PHTF2: variants seen among roughly 807,000 people sequenced by gnomAD.
PHTF2 encodes putative homeodomain transcription factor 2.
A neutral mutation model predicts 101.2 loss-of-function variants in PHTF2; 60 were observed. That is an observed-to-expected ratio of 0.59 (90% CI 0.48 to 0.73). PHTF2 has a LOEUF of 0.73. PHTF2 is among the 30% of genes least tolerant of loss of function. The pLI, the probability that PHTF2 is intolerant of heterozygous loss-of-function variation, is 0.00. For synonymous variants in PHTF2, 311 were observed against 307.3 expected (o/e 1.01, Z -0.13); for missense variants, 747 against 908.7 (o/e 0.82, Z 2.29).
chr7:77,871,368 C>A (rs1221905877), intron 3 of PHTF2, among the ~76,000 whole-genome samples: 2 of 152,150 alleles, frequency 1.3e-5, no homozygotes, highest in African/African-American at 4.8e-5. Context: ...CCCTTCTTAG[C>A]CTGTTGACTT....
chr7:77,853,836 C>T (rs1418137983), intron 2 of PHTF2, among the ~76,000 whole-genome samples: 1 of 151,758 alleles, frequency 6.6e-6, no homozygotes, highest in African/African-American at 2.4e-5. Flanking sequence ...TTCCAAATTC[C>T]TTCTCTCTTT....
chr7:77,856,765 ATAATC>A (rs1294694874), intron 3 of PHTF2, among the ~76,000 whole-genome samples: 5 of 152,110 alleles, frequency 3.3e-5, no homozygotes. Context: ...GGTATTATAA[ATAATC>A]TAGAGATTAT....
Position 77,940,665 on chromosome 7 carries a change from A to C in PHTF2, c.1872+6A>C. ...CTCTCCGTTCCTATCTTAAGGTAGA[A>C]TGGGAGTGATAAAAGTAGCTTTAAC... On this transcript the variant is annotated splice_donor_region_variant and intron_variant, in intron 15 of 19. Coordinates refer to ENST00000416283, the Ensembl canonical transcript of PHTF2. The C allele has an allele frequency of 6.3e-7, 1 of 1,583,368 alleles. No individual in the cohort carries two copies. The highest frequency in any genetic ancestry group is 8.6e-7 in the Non-Finnish European group (1 of 1,161,690).
At chr7:77,887,508 A>G (rs1053466327) in intron 3 of PHTF2, among the ~76,000 whole-genome samples, 8 of 152,158 alleles carry the variant, frequency 5.3e-5, no homozygotes, top group Admixed American at 3.9e-4. Flanking sequence ...ATGACAGAAA[A>G]TGATGTTTGT....
intron 3 of PHTF2, among the ~76,000 whole-genome samples, chr7:77,868,322 ATTTTTTTTT>A (rs761861776): frequency 3.3e-4 from 26 of 78,528 alleles, no homozygotes; most frequent in African/African-American, 1.2e-3. Flanking sequence ...TTAAAAAAAA[ATTTTTTTTT>A]TTTTTTTTTT....
intron 5 of PHTF2, among the ~76,000 whole-genome samples, chr7:77,899,377 G>A (rs758692348): frequency 6.6e-6 from 1 of 151,588 alleles, no homozygotes; most frequent in Non-Finnish European, 1.5e-5. Flanking sequence ...CACTCCATGC[G>A]TGTCTGCAAA....
intron 9 of PHTF2, among the ~76,000 whole-genome samples, chr7:77,917,471 A>T (rs1262211468): frequency 6.6e-6 from 1 of 152,226 alleles, no homozygotes; most frequent in Non-Finnish European, 1.5e-5. Context: ...TTCTATAGCT[A>T]TCCAGGTATA....
chr7:77,805,671 G>C (rs1175164503), intron 1 of PHTF2, among the ~76,000 whole-genome samples: 1 of 152,152 alleles, frequency 6.6e-6, no homozygotes, highest in African/African-American at 2.4e-5. Context: ...TGGTTATTTA[G>C]AAGTATGTAG....
At chr7:77,817,066 C>T (rs1793908870) in intron 1 of PHTF2, among the ~76,000 whole-genome samples, 1 of 152,100 alleles carries the variant, frequency 6.6e-6, no homozygotes, top group South Asian at 2.1e-4. Flanking sequence ...GATTTTCTTT[C>T]CTTTGGATAA....
intron 3 of PHTF2, among the ~76,000 whole-genome samples, chr7:77,890,599 CTTT>C (rs747882978): frequency 3.6e-5 from 3 of 84,228 alleles, no homozygotes; most frequent in Non-Finnish European, 6.6e-5. Context: ...AATAGTTACA[CTTT>C]TTTTTTTTTT....
At chr7:77,948,157 T>G (rs1806243686) in intron 16 of PHTF2, among the ~76,000 whole-genome samples, 1 of 152,162 alleles carries the variant, frequency 6.6e-6, no homozygotes, top group African/African-American at 2.4e-5. Flanking sequence ...TCTTTTTGTT[T>G]TTCTTTTTTA....
chr7:77,841,819 G>A (rs1443451491), intron 2 of PHTF2, among the ~76,000 whole-genome samples: 1 of 152,150 alleles, frequency 6.6e-6, no homozygotes, highest in Admixed American at 6.5e-5. Context: ...AAAGAAAATT[G>A]TAAGTTAAGG....
In PHTF2 at chr7:77,826,397, A is replaced by T. The variant is rs1488663143; in HGVS notation, c.-35-13824A>T. On this transcript the variant is annotated intron_variant, in intron 1 of 19. Coordinates refer to ENST00000416283, the Ensembl canonical transcript of PHTF2. ...ACAGTGGCTTAAACTATAAGGATTT[A>T]TAACCTTGGGTACAAAAAGTATGGA... Among the ~76,000 whole-genome samples, 6 of 152,332 alleles carry T rather than the reference A, an allele frequency of 3.9e-5. No individual in the cohort carries two copies. The East Asian group carries it at 1.2e-3, about 29-fold the overall frequency.
intron 2 of PHTF2, among the ~76,000 whole-genome samples, chr7:77,852,311 G>A: frequency 6.6e-6 from 1 of 152,204 alleles, no homozygotes; most frequent in East Asian, 1.9e-4. Flanking sequence ...GGCCAACATG[G>A]TGAAACCCCA....
rs151127537 is a variant in PHTF2, at chr7:77,848,711, G to A, written c.46-6022G>A. ...CTCTGCAGAAGCTTTTTAACTTGGT[G>A]TAATTGCATTTGTCCATTTTTACTT... On this transcript the variant is annotated intron_variant, in intron 2 of 19. Coordinates refer to ENST00000416283, the Ensembl canonical transcript of PHTF2. 5.6e-3 allele frequency among the ~76,000 whole-genome samples: 847 copies of A among 152,208 alleles called. 36 individuals are homozygous for A. Among genetic ancestry groups the A allele is most frequent in the Admixed American group, 0.05 (767 of 15,278 alleles).
chr7:77,934,606 T>C (rs1349360901), intron 12 of PHTF2, among the ~76,000 whole-genome samples: 2 of 152,242 alleles, frequency 1.3e-5, no homozygotes, highest in Non-Finnish European at 2.9e-5. Context: ...GGATCTGTGA[T>C]GCTGTCTTCA....
intron 3 of PHTF2, among the ~76,000 whole-genome samples, chr7:77,875,622 A>G (rs1200957180): frequency 1.3e-5 from 2 of 152,000 alleles, no homozygotes; most frequent in East Asian, 3.9e-4. Flanking sequence ...CGGTGGCACC[A>G]TCTTGGCTCA....
At chr7:77,916,171 T>A (rs1802907384) in intron 9 of PHTF2, among the ~76,000 whole-genome samples, 1 of 152,222 alleles carries the variant, frequency 6.6e-6, no homozygotes, top group African/African-American at 2.4e-5. Context: ...TTTTTGTGCA[T>A]GTTTTGAAGT....
At chr7:77,904,456 T>C (rs1283654589) in intron 7 of PHTF2, among the ~76,000 whole-genome samples, 1 of 152,240 alleles carries the variant, frequency 6.6e-6, no homozygotes, top group East Asian at 1.9e-4. Context: ...CACCTTGGGC[T>C]ACCATAACAA....
Sources: gnomAD v4.1 joint callset for allele counts (sites outside exome capture counted in the v4.1 genomes callset) on GRCh38, gnomAD v4.1.1 for gene constraint, MANE v1.5 for transcripts, NCBI Gene and HGNC (gene_info 2026-07-23, HGNC 2026-07-21) for gene names.